DENND5A: variants seen among roughly 807,000 people sequenced by gnomAD.
The protein encoded by DENND5A is DENN domain containing 5A.
A neutral mutation model predicts 140.3 loss-of-function variants in DENND5A; 64 were observed. That is an observed-to-expected ratio of 0.46 (90% CI 0.37 to 0.56). The LOEUF is 0.56. DENND5A is among the 20% of genes least tolerant of loss of function. The pLI is 0.00. For synonymous variants in DENND5A, 605 were observed against 607.7 expected, an observed-to-expected ratio of 1.00 and a Z score of 0.07; for missense variants, 1,292 against 1,593.8, an observed-to-expected ratio of 0.81 and a Z score of 3.22.
At chr11:9,238,181 G>A (rs1417244620) in intron 1 of DENND5A, among the ~76,000 whole-genome samples, 1 of 151,924 alleles carries the variant, frequency 6.6e-6, no homozygotes, top group Non-Finnish European at 1.5e-5. Flanking sequence ...GGAATTTCAG[G>A]AGCATACTCA....
At chr11:9,213,579 G>A (rs183511222) in intron 1 of DENND5A, among the ~76,000 whole-genome samples, 1 of 151,430 alleles carries the variant, frequency 6.6e-6, no homozygotes, top group Admixed American at 6.6e-5. Context: ...AGGCCGAGGC[G>A]GGTGCATCAA....
intron 8 of DENND5A, chr11:9,177,900 C>G (rs1848598699): frequency 2.1e-6 from 1 of 467,242 alleles, no homozygotes; most frequent in Non-Finnish European, 3.8e-6. Context: ...TTGTTTAACC[C>G]ACTGCTGATT....
intron 1 of DENND5A, among the ~76,000 whole-genome samples, chr11:9,222,268 TATA>T (rs1170779909): frequency 2.7e-5 from 4 of 148,876 alleles, no homozygotes; most frequent in African/African-American, 1.0e-4. Flanking sequence ...TCATTTTATT[TATA>T]ATATTTCAGC....
chr11:9,262,806 A>G (rs1180179057), intron 1 of DENND5A, among the ~76,000 whole-genome samples: 2 of 151,798 alleles, frequency 1.3e-5, no homozygotes, highest in Non-Finnish European at 2.9e-5. Flanking sequence ...CAGTGGCGCG[A>G]TCTGGGCTCA....
At chr11:9,170,812 A>T (rs1246055541) in intron 8 of DENND5A, 35 bp from the exon 9 acceptor site, 9 of 1,611,266 alleles carry the variant, frequency 5.6e-6, no homozygotes, top group Non-Finnish European at 7.6e-6. Context: ...ACACACACAC[A>T]CACACATAAA....
At chr11:9,178,068 G>A in intron 8 of DENND5A, 64 bp downstream of exon 8, 1 of 1,137,118 alleles carries the variant, frequency 8.8e-7, no homozygotes. Flanking sequence ...GCATATTTAG[G>A]AAAAGGGACA....
intron 1 of DENND5A, among the ~76,000 whole-genome samples, chr11:9,219,994 G>A (rs897594293): frequency 9.9e-5 from 15 of 152,160 alleles, no homozygotes; most frequent in African/African-American, 3.4e-4. Context: ...GAAGCCCAGG[G>A]AATTTGATTC....
At chr11:9,220,053 G>A (rs140600069) in intron 1 of DENND5A, among the ~76,000 whole-genome samples, 2 of 152,202 alleles carry the variant, frequency 1.3e-5, no homozygotes, top group African/African-American at 4.8e-5. Flanking sequence ...AGAGAGATTG[G>A]TTTTGTTTTG....
Position 9,144,187 on chromosome 11 carries a change from C to T in DENND5A, c.3214G>A (p.Val1072Met). 3 of 1,614,190 alleles carry T rather than the reference C, an allele frequency of 1.9e-6. No individual in the cohort carries two copies. Among genetic ancestry groups the T allele is most frequent in the Non-Finnish European group, 1.7e-6 (2 of 1,180,024 alleles). ...VGELLTSQPEVDERPCRTPPL... is the reference protein window; with the variant it reads ...VGELLTSQPEMDERPCRTPPL... ...GGGGTCCGGCATGGCCTCTCATCCACCTCAGGCTGGGATGTGAGCAGCTCC... is the reference window on the plus strand; with the variant it reads ...GGGGTCCGGCATGGCCTCTCATCCATCTCAGGCTGGGATGTGAGCAGCTCC... Residue 1072 changes from valine (V) to methionine (M), a missense_variant, in exon 19 of 23, where the codon GTG becomes ATG. Around this residue, in one of 4 missense-constraint regions of DENND5A, gnomAD observed 498 missense variants for 689.7 expected, o/e 0.72. Transcript: ENST00000328194.
chr11:9,263,367 C>A lies in DENND5A; in HGVS notation c.109+1594G>T, dbSNP rs1379029635. Among the ~76,000 whole-genome samples, 16 of 151,558 alleles carry A rather than the reference C, an allele frequency of 1.1e-4. 1 individual carries two copies. Among genetic ancestry groups the A allele is most frequent in the Admixed American group, 1.1e-3 (16 of 15,230 alleles). ...TCCTGAGTAGCTGGGATTACAGGCA[C>A]GCGCCACGACGCCCGGCTAATTTTT... is the stretch of plus-strand genomic sequence containing the variant. On this transcript the variant is annotated intron_variant, in intron 1 of 22. Transcript: ENST00000328194.
intron 22 of DENND5A, among the ~76,000 whole-genome samples, chr11:9,140,920 A>G (rs2136108448): frequency 6.6e-6 from 1 of 152,296 alleles, no homozygotes; most frequent in South Asian, 2.1e-4. Flanking sequence ...TGAGGTCAGG[A>G]GTTCAAGACC....
intron 11 of DENND5A, among the ~76,000 whole-genome samples, chr11:9,161,144 G>A (rs1009448764): frequency 6.6e-6 from 1 of 152,124 alleles, no homozygotes; most frequent in African/African-American, 2.4e-5. Context: ...TCAGGAGATC[G>A]AGACCATCCT....
chr11:9,259,357 G>C (rs1375305330), intron 1 of DENND5A, among the ~76,000 whole-genome samples: 1 of 150,710 alleles, frequency 6.6e-6, no homozygotes, highest in Non-Finnish European at 1.5e-5. Flanking sequence ...AGGAGATCAA[G>C]ACCATCCTGG....
chr11:9,188,115 G>A (rs960985530), intron 5 of DENND5A, among the ~76,000 whole-genome samples: 1 of 152,152 alleles, frequency 6.6e-6, no homozygotes, highest in Non-Finnish European at 1.5e-5. Context: ...GACCCAGTGG[G>A]GGATAGTTGA....
At chr11:9,179,873 C>T (rs1848668269) in intron 6 of DENND5A, among the ~76,000 whole-genome samples, 1 of 151,764 alleles carries the variant, frequency 6.6e-6, no homozygotes, top group South Asian at 2.1e-4. Context: ...AATATCTAGT[C>T]TACTAAGCAA....
intron 5 of DENND5A, among the ~76,000 whole-genome samples, chr11:9,182,977 T>C (rs1305752483): frequency 6.6e-6 from 1 of 152,220 alleles, no homozygotes; most frequent in East Asian, 1.9e-4. Flanking sequence ...CATTTGATCA[T>C]TACATACACC....
chr11:9,170,310 A>G (rs1258543071), intron 9 of DENND5A: 1 of 982,480 alleles, frequency 1.0e-6, no homozygotes, highest in Non-Finnish European at 1.2e-6. Flanking sequence ...GATTATTTCA[A>G]CTGCCATTTA....
At chr11:9,160,645 G>A (rs1847948185) in intron 12 of DENND5A, 68 bp downstream of exon 12, 2 of 1,463,528 alleles carry the variant, frequency 1.4e-6, no homozygotes, top group South Asian at 1.3e-5. Flanking sequence ...CAAAAAGAGT[G>A]TGGGAAAGCT....
intron 4 of DENND5A, among the ~76,000 whole-genome samples, chr11:9,196,314 C>T (rs1239821911): frequency 2.0e-5 from 3 of 152,056 alleles, no homozygotes; most frequent in African/African-American, 7.2e-5. Flanking sequence ...TATAAATAAG[C>T]CCCCTCTAAA....
Sources: gnomAD v4.1 joint callset for allele counts (sites outside exome capture counted in the v4.1 genomes callset) on GRCh38, gnomAD v4.1.1 for gene constraint, gnomAD v4.1.1 regional missense constraint, MANE v1.5 for transcripts, NCBI Gene and HGNC (gene_info 2026-07-23, HGNC 2026-07-21) for gene names.